Variants in PHACTR2 observed in about 807,000 individuals in gnomAD.
PHACTR2 encodes the protein phosphatase and actin regulator 2.
PHACTR2 carries 30 observed loss-of-function variants against 76.0 expected under a neutral mutation model. The observed-to-expected ratio is 0.39, with a 90% CI of 0.30 to 0.54. The LOEUF (loss-of-function observed/expected upper bound fraction) is 0.54, where lower values mean the gene tolerates loss of function less well. Among genes scored for constraint, PHACTR2 ranks in the 20% least tolerant of loss-of-function variants. PHACTR2 has a pLI of 0.61. For missense variants in PHACTR2, 696 were observed against 781.1 expected (o/e 0.89, Z 1.30); for synonymous variants, 292 against 292.5 (o/e 1.00, Z 0.02).
At chr6:143,676,203 A>C (rs1323681775), upstream of PHACTR2, among the ~76,000 whole-genome samples, 2 of 152,222 alleles carry the variant, frequency 1.3e-5, no homozygotes, top group Admixed American at 6.5e-5. The surrounding 1 kb of genome is among the most constrained non-coding windows in gnomAD (Gnocchi z 4.8). Flanking sequence ...ATGAGGCTGA[A>C]GATTATATTA....
At chr6:143,714,998 G>T (rs1407699272) in intron 2 of PHACTR2, among the ~76,000 whole-genome samples, 1 of 152,106 alleles carries the variant, frequency 6.6e-6, no homozygotes, top group Admixed American at 6.5e-5. Flanking sequence ...ACTTATCACA[G>T]TGTATTACCA....
chr6:143,781,250 A>G lies in PHACTR2; in HGVS notation c.1646-1969A>G, dbSNP rs528037717. ...AAATCAGTTTCTGATGTCAAAAATG[A>G]ATTCAATTCCCTAACTGCATTTGGC... On this transcript the variant is annotated intron_variant, in intron 9 of 12. Coordinates refer to ENST00000440869, the MANE Select transcript of PHACTR2 (RefSeq NM_001100164.2). Among the ~76,000 whole-genome samples the G allele has an allele frequency of 4.5e-4, 68 of 152,344 alleles. 1 individual carries two copies. The highest frequency in any genetic ancestry group is 3.4e-3 in the Middle Eastern group (1 of 294).
intron 4 of PHACTR2, among the ~76,000 whole-genome samples, chr6:143,759,600 G>A (rs1409645273): frequency 4.7e-5 from 7 of 148,826 alleles, no homozygotes; most frequent in Admixed American, 4.1e-4. Flanking sequence ...CTGCACTCTA[G>A]CCTGAGTGAG....
At chr6:143,638,330 A>G (rs1373981241) in intron 1 of PHACTR2, among the ~76,000 whole-genome samples, 1 of 152,152 alleles carries the variant, frequency 6.6e-6, no homozygotes, top group African/African-American at 2.4e-5. Flanking sequence ...ACTTTAGGCC[A>G]GGAGTTTGAA....
At chr6:143,594,171 C>A (rs1443794734) in intron 1 of PHACTR2, among the ~76,000 whole-genome samples, 1 of 152,162 alleles carries the variant, frequency 6.6e-6, no homozygotes, top group Non-Finnish European at 1.5e-5. Flanking sequence ...AATAAAATTA[C>A]CATCAGGCTA....
intron 10 of PHACTR2, among the ~76,000 whole-genome samples, chr6:143,788,159 A>G (rs1404915920): frequency 6.6e-6 from 1 of 152,202 alleles, no homozygotes; most frequent in Non-Finnish European, 1.5e-5. Context: ...GCCTCAAGGA[A>G]GTACAGTTCT....
rs926070631 is a variant in PHACTR2 at position 143,619,942 on chromosome 6, T to C, written c.13+11620T>C. Among the ~76,000 whole-genome samples the C allele has an allele frequency of 3.1e-5, 4 of 130,624 alleles. No individual in the cohort carries two copies. The highest frequency in any genetic ancestry group is 1.9e-4 in the East Asian group (1 of 5,172). 85.7% of individuals were successfully genotyped at this position (130,624 alleles called of 152,430 possible). A position where few individuals can be genotyped will look rare whatever the true frequency, so the allele number is the denominator to read the frequency against. ...GCTTGCTTGTGGTACTTACAGAACA[T>C]GTCACTCGGTCGGGGGTGGGGGGTC... On this transcript the variant is annotated intron_variant, in intron 1 of 11. Coordinates refer to the PHACTR2 transcript ENST00000305766. The surrounding 1 kb of genome is among the most constrained non-coding windows in gnomAD (Gnocchi z 4.5).
At chr6:143,655,570 T>C (rs1476082270) in intron 1 of PHACTR2, among the ~76,000 whole-genome samples, 1 of 152,284 alleles carries the variant, frequency 6.6e-6, no homozygotes, top group Admixed American at 6.5e-5. Flanking sequence ...TCTGCATTTT[T>C]AATACTTTCT....
chr6:143,726,968 C>G (rs1778587376), intron 2 of PHACTR2, among the ~76,000 whole-genome samples: 1 of 152,192 alleles, frequency 6.6e-6, no homozygotes, highest in South Asian at 2.1e-4. Context: ...ATCCTCTTTT[C>G]TAGCTGTTTT....
chr6:143,820,568 C>G lies in PHACTR2; in HGVS notation c.1923-3106C>G, dbSNP rs1440644919. Reference sequence around the variant, plus strand: ...CTCCATGTCCCATGTCCTGGGTACTCTGGTGTAAGTGGGCAGCTCTACCCC... The same window carrying G: ...CTCCATGTCCCATGTCCTGGGTACTGTGGTGTAAGTGGGCAGCTCTACCCC... On this transcript the variant is annotated intron_variant, in intron 12 of 12. Transcript: ENST00000440869. This position sits in a 1 kb window ranked among gnomAD's most constrained non-coding sequence, Gnocchi z 4.2. 6.6e-6 allele frequency among the ~76,000 whole-genome samples: 1 copy of G among 152,222 alleles called. No homozygotes were observed. Among genetic ancestry groups the G allele is most frequent in the African/African-American group, 2.4e-5 (1 of 41,464 alleles).
chr6:143,608,255 G>A lies in PHACTR2; in HGVS notation c.-55G>A. On this transcript the variant is annotated 5_prime_UTR_variant, in exon 1 of 12. Transcript: ENST00000305766. The surrounding 1 kb of genome is among the most constrained non-coding windows in gnomAD (Gnocchi z 4.6). Reference sequence around the variant, plus strand: ...GGACAGGGTGCTTCGTTAGTCAGAAGAGCCAGGGCTTCCCGGCTGCCAGGC... The same window carrying A: ...GGACAGGGTGCTTCGTTAGTCAGAAAAGCCAGGGCTTCCCGGCTGCCAGGC... 1 of 1,603,318 alleles carries A rather than the reference G, an allele frequency of 6.2e-7. No homozygotes were observed. The highest frequency in any genetic ancestry group is 8.5e-7 in the Non-Finnish European group (1 of 1,170,506).
intron 7 of PHACTR2, 103 bp from the exon 8 acceptor site, chr6:143,773,956 A>G: frequency 4.7e-6 from 4 of 843,946 alleles, no homozygotes. Flanking sequence ...ATGAGGAGAA[A>G]GAATTTGGTC....
In PHACTR2 at chr6:143,689,696, C is replaced by CTTTT. The variant is rs35628481; in HGVS notation, c.46+11498_46+11501dup. Reference sequence around the variant, plus strand: ...TTCCCATTTTCTCATCTTCTCAAGTCTTTTTTTTTTTTTTGAGATGGAGTG... The same window carrying CTTTT: ...TTCCCATTTTCTCATCTTCTCAAGTCTTTTTTTTTTTTTTTTTTGAGATGGAGTG... On this transcript the variant is annotated intron_variant, in intron 1 of 12. Transcript: ENST00000440869. This position sits in a 1 kb window ranked among gnomAD's most constrained non-coding sequence, Gnocchi z 4.4. 5.7e-5 allele frequency among the ~76,000 whole-genome samples: 8 copies of CTTTT among 139,466 alleles called. No homozygotes were observed. The highest frequency in any genetic ancestry group is 2.2e-4 in the African/African-American group (8 of 37,034). The allele number at this position is 139,466 out of a possible 152,430, so 91.5% of individuals were successfully genotyped here.
rs565801514 is a variant in PHACTR2 at position 143,774,794 on chromosome 6, A to C, written c.1589+579A>C. 6.6e-6 allele frequency among the ~76,000 whole-genome samples: 1 copy of C among 152,244 alleles called. No homozygotes were observed. Among genetic ancestry groups the C allele is most frequent in the South Asian group, 2.1e-4 (1 of 4,818 alleles). The stretch of plus-strand genomic sequence containing the variant: ...CTCATATCTGAACATCCCTCTTCCA[A>C]CTTCAAGTAAATGGATCATCTGACA... On this transcript the variant is annotated intron_variant, in intron 8 of 12. Transcript: ENST00000440869. The surrounding 1 kb of genome is among the most constrained non-coding windows in gnomAD (Gnocchi z 5.4).
intron 2 of PHACTR2, among the ~76,000 whole-genome samples, chr6:143,720,153 C>G (rs9376783): frequency 0.62 from 93,591 of 151,874 alleles, 30,407 homozygotes; most frequent in African/African-American, 0.84. Flanking sequence ...TGTTTACTGA[C>G]CATCTTCATC....
intron 2 of PHACTR2, among the ~76,000 whole-genome samples, chr6:143,732,281 A>G (rs1028045243): frequency 1.3e-5 from 2 of 152,248 alleles, no homozygotes; most frequent in Non-Finnish European, 2.9e-5. Context: ...CATACTCATT[A>G]GCAGTCATTC....
intron 1 of PHACTR2, among the ~76,000 whole-genome samples, chr6:143,667,089 T>C (rs972659065): frequency 2.0e-5 from 3 of 152,254 alleles, no homozygotes; most frequent in Admixed American, 6.5e-5. Flanking sequence ...TTAAGTTTTC[T>C]GCATATGGCT....
chr6:143,537,874 A>T lies in PHACTR2; in HGVS notation c.217+667A>T, dbSNP rs750342690. 1.3e-5 allele frequency among the ~76,000 whole-genome samples: 2 copies of T among 152,190 alleles called. No homozygotes were observed. Among genetic ancestry groups the T allele is most frequent in the African/African-American group, 4.8e-5 (2 of 41,442 alleles). ...TAATTCCAGAGCTTTGGGAGGCCCA[A>T]GGCCGGCCGATCACTTGAGGTCAAA... On this transcript the variant is annotated intron_variant, in intron 1 of 11. Coordinates refer to the PHACTR2 transcript ENST00000367584. This position sits in a 1 kb window ranked among gnomAD's most constrained non-coding sequence, Gnocchi z 4.4.
At chr6:143,778,268 C>T (rs1159588231) in intron 9 of PHACTR2, among the ~76,000 whole-genome samples, 4 of 152,136 alleles carry the variant, frequency 2.6e-5, no homozygotes, top group South Asian at 2.1e-4. Context: ...CCAGGCTTTT[C>T]GAGTTATCTT....
Sources: allele counts gnomAD v4.1 joint callset (sites outside exome capture counted in the v4.1 genomes callset), GRCh38; gene constraint gnomAD v4.1.1; non-coding constraint Gnocchi (gnomAD v3.1); transcripts MANE v1.5; gene names NCBI Gene and HGNC (gene_info 2026-07-23, HGNC 2026-07-21).